PHYH: variants seen among roughly 807,000 people sequenced by gnomAD.
PHYH encodes the protein phytanoyl-CoA 2-hydroxylase.
In PHYH, 32 loss-of-function variants were observed where a neutral mutation model predicts 38.5. The ratio of observed to expected loss-of-function variants is 0.83; its 90% CI spans 0.63 to 1.12. The LOEUF (loss-of-function observed/expected upper bound fraction) is 1.12, where lower values mean the gene tolerates loss of function less well. Ranked by LOEUF, PHYH falls within the 50% of genes most tolerant of loss-of-function variation. The pLI is 0.00. For synonymous variants in PHYH, 166 were observed against 157.9 expected (o/e 1.05, Z -0.38); for missense variants, 426 against 434.8 (o/e 0.98, Z 0.18).
chr10:13,294,263 G>A (rs1295741314), intron 4 of PHYH, among the ~76,000 whole-genome samples, 165 bp downstream of exon 4: 1 of 152,056 alleles, frequency 6.6e-6, no homozygotes, highest in Non-Finnish European at 1.5e-5. Context: ...TCCATATCCA[G>A]CTCTAAGAGC....
intron 1 of PHYH, among the ~76,000 whole-genome samples, chr10:13,298,776 ACT>A (rs1832650674): frequency 8.2e-6 from 1 of 122,526 alleles, no homozygotes; most frequent in African/African-American, 2.9e-5. Context: ...TACTACTACT[ACT>A]ACTAATAATA....
chr10:13,285,352 T>A (rs1268826983), intron 6 of PHYH, among the ~76,000 whole-genome samples: 1 of 151,502 alleles, frequency 6.6e-6, no homozygotes, highest in African/African-American at 2.4e-5. Context: ...CCTGGCTAAT[T>A]TTTGTATTTT....
At chr10:13,292,312 G>A (rs188357127) in intron 4 of PHYH, among the ~76,000 whole-genome samples, 33 of 152,298 alleles carry the variant, frequency 2.2e-4, no homozygotes, top group South Asian at 8.3e-4. Flanking sequence ...TGAATAGCCC[G>A]GAAGAAAGCA....
intron 2 of PHYH, among the ~76,000 whole-genome samples, chr10:13,296,878 C>T (rs544960792): frequency 2.0e-5 from 3 of 149,894 alleles, no homozygotes; most frequent in South Asian, 2.1e-4. Flanking sequence ...GGCGTGAACC[C>T]GGGAGGCGGA....
At chr10:13,285,094 A>T (rs1835514843) in intron 6 of PHYH, among the ~76,000 whole-genome samples, 1 of 152,326 alleles carries the variant, frequency 6.6e-6, no homozygotes, top group South Asian at 2.1e-4. Flanking sequence ...TGAGTTTCAC[A>T]TTAAATGGTT....
intron 5 of PHYH, among the ~76,000 whole-genome samples, chr10:13,289,134 A>C (rs1337021226): frequency 1.3e-5 from 2 of 152,108 alleles, no homozygotes; most frequent in African/African-American, 4.8e-5. Context: ...GTAGCTAAGT[A>C]CTTATGCACA....
intron 7 of PHYH, 57 bp from the exon 8 acceptor site, chr10:13,281,167 C>A (rs1835403321): frequency 6.4e-7 from 1 of 1,556,586 alleles, no homozygotes; most frequent in Non-Finnish European, 8.9e-7. Flanking sequence ...TACCAGTGAC[C>A]AAGCAGGGAG....
chr10:13,291,699 C>A, intron 5 of PHYH, 132 bp downstream of exon 5: 1 of 702,360 alleles, frequency 1.4e-6, no homozygotes, highest in Non-Finnish European at 2.6e-6. Context: ...AGGCCACTCT[C>A]AAACTCCTGG....
intron 5 of PHYH, among the ~76,000 whole-genome samples, chr10:13,289,344 C>T (rs1418722162): frequency 1.3e-5 from 2 of 151,960 alleles, no homozygotes; most frequent in African/African-American, 2.4e-5. Context: ...TACAGGCGCC[C>T]GCCACCACGC....
At chr10:13,299,519 G>A in intron 1 of PHYH, 2 of 1,005,720 alleles carry the variant, frequency 2.0e-6, no homozygotes, top group Non-Finnish European at 2.4e-6. Flanking sequence ...GCCAGCTCCT[G>A]CCCGGGAGGG....
At chr10:13,279,961 G>A (rs1330505890) in intron 8 of PHYH, among the ~76,000 whole-genome samples, 5 of 152,144 alleles carry the variant, frequency 3.3e-5, no homozygotes, top group Non-Finnish European at 7.4e-5. Flanking sequence ...AAAGGGAGAA[G>A]CAAGATTCCT....
chr10:13,294,566 C>A lies in PHYH; in HGVS notation c.276G>T (p.Glu92Asp). 1 of 1,614,040 alleles carries A rather than the reference C, an allele frequency of 6.2e-7. No individual in the cohort carries two copies. The highest frequency in any genetic ancestry group is 1.1e-5 in the South Asian group (1 of 91,084). Residue 92 changes from glutamate (E) to aspartate (D), a missense_variant, in exon 4 of 9, where the codon GAG becomes GAT. Coordinates refer to ENST00000263038, the MANE Select transcript of PHYH (RefSeq NM_006214.4). ...TTACTGTTAATCCTAATGGTTTCAC[C>A]TCCTTTCTGCAGATTTTTTCAAACT... is the stretch of plus-strand genomic sequence containing the variant. The part of the protein sequence containing the change: ...RNEFEKICRK[E>D]VKPLGLTVMR...
At chr10:13,283,860 A>G (rs762318716) in intron 6 of PHYH, 21 bp from the exon 7 acceptor site, 3 of 1,607,982 alleles carry the variant, frequency 1.9e-6, no homozygotes, top group Non-Finnish European at 2.6e-6. Flanking sequence ...AGGCAAGTGA[A>G]GTCTACATTT....
Position 13,294,440 on chromosome 10 carries a change from G to A in PHYH, c.402C>T (p.Cys134=). ...FQEDKELFRY[C]TLPEILKYVE... is the part of the protein sequence containing the mutation. ...GGTGGTCTCTGACCTCGGGGAGAGT[G>A]CAGTATCTGAAGAGCTCCTTATCTT... The change falls in exon 4 of 9, where the codon TGC becomes TGT. Residue 134 remains cysteine (C), a synonymous_variant. Transcript: ENST00000263038. The A allele has an allele frequency of 6.2e-7, 1 of 1,613,988 alleles. No homozygotes were observed. The highest frequency in any genetic ancestry group is 8.5e-7 in the Non-Finnish European group (1 of 1,179,924).
At chr10:13,280,092 C>T (rs1835377507) in intron 8 of PHYH, among the ~76,000 whole-genome samples, 1 of 152,076 alleles carries the variant, frequency 6.6e-6, no homozygotes, top group African/African-American at 2.4e-5. Flanking sequence ...CCTCAGCCTC[C>T]CGAGTAGCTG....
Position 13,296,836 on chromosome 10 carries a change from T to TC in PHYH, c.135-1231dup, listed in dbSNP as rs1268721748. 8.0e-4 allele frequency among the ~76,000 whole-genome samples: 121 copies of TC among 150,606 alleles called. 3 individuals carry two copies. The highest frequency in any genetic ancestry group is 1.4e-3 in the African/African-American group (57 of 41,100). Reference sequence around the variant, plus strand: ...CCGGCATGGTGTCTGGCGCCTGTAGTCCAGCTACTGGAGAGGCTGAGGCAG... The same window carrying TC: ...CCGGCATGGTGTCTGGCGCCTGTAGTCCCAGCTACTGGAGAGGCTGAGGCAG... On this transcript the variant is annotated intron_variant, in intron 2 of 8. Coordinates refer to ENST00000263038, the MANE Select transcript of PHYH (RefSeq NM_006214.4).
chr10:13,297,073 C>T (rs1004973476), intron 2 of PHYH, among the ~76,000 whole-genome samples: 4 of 151,562 alleles, frequency 2.6e-5, no homozygotes, highest in African/African-American at 7.3e-5. Context: ...AAAAGAAAAG[C>T]CTGCAAAGAA....
intron 6 of PHYH, 148 bp from the exon 7 acceptor site, chr10:13,283,987 T>G (rs1835483078): frequency 1.2e-6 from 1 of 848,988 alleles, no homozygotes; most frequent in African/African-American, 1.7e-5. Context: ...ATGCTTACAT[T>G]TTTTTCAGTA....
chr10:13,296,061 G>A lies in PHYH; in HGVS notation c.135-455C>T, dbSNP rs189162518. 5.2e-3 allele frequency among the ~76,000 whole-genome samples: 792 copies of A among 151,796 alleles called. 3 individuals carry two copies. The highest frequency in any genetic ancestry group is 0.018 in the African/African-American group (757 of 41,418). ...TGGGCACCTGTAATCCCAGCTACCC[G>A]GGAGGTTGAGGCAGGAAAATCGCTT... On this transcript the variant is annotated intron_variant, in intron 2 of 8. Coordinates refer to ENST00000263038, the MANE Select transcript of PHYH (RefSeq NM_006214.4).
Sources: allele counts gnomAD v4.1 joint callset (sites outside exome capture counted in the v4.1 genomes callset), GRCh38; gene constraint gnomAD v4.1.1; transcripts MANE v1.5; gene names NCBI Gene and HGNC (gene_info 2026-07-23, HGNC 2026-07-21).